The following PHIP variants were observed in gnomAD, a reference collection of about 807,000 sequenced individuals.
PHIP encodes the protein PHIP subunit of CUL4-Ring ligase complex.
In PHIP, 54 loss-of-function variants were observed where a neutral mutation model predicts 236.8. The ratio of observed to expected loss-of-function variants is 0.23; its 90% CI spans 0.18 to 0.29. The LOEUF is 0.29. PHIP is among the 10% of genes least tolerant of loss of function. The pLI, the probability that PHIP is intolerant of heterozygous loss-of-function variation, is 1.00. For synonymous variants in PHIP, 756 were observed against 718.9 expected, an observed-to-expected ratio of 1.05 and a Z score of -0.83; for missense variants, 1,370 against 2,190.8, an observed-to-expected ratio of 0.63 and a Z score of 7.48.
intron 4 of PHIP, among the ~76,000 whole-genome samples, chr6:79,063,439 C>T (rs866701739): frequency 1.7e-4 from 26 of 152,282 alleles, no homozygotes; most frequent in Middle Eastern, 3.4e-3. Context: ...TGTTTTGAGA[C>T]GGAGTCTCCC....
At chr6:79,066,551 G>C (rs1300188909) in intron 4 of PHIP, among the ~76,000 whole-genome samples, 1 of 152,104 alleles carries the variant, frequency 6.6e-6, no homozygotes, top group African/African-American at 2.4e-5. Context: ...ATATAAGCAA[G>C]TCATACAACA....
intron 24 of PHIP, among the ~76,000 whole-genome samples, chr6:78,974,276 A>G (rs1389929295): frequency 6.6e-6 from 1 of 152,102 alleles, no homozygotes; most frequent in Admixed American, 6.6e-5. Flanking sequence ...CTGAATGACT[A>G]CTGGGTACAT....
At chr6:79,035,540 A>G (rs1771889294) in intron 7 of PHIP, among the ~76,000 whole-genome samples, 1 of 152,178 alleles carries the variant, frequency 6.6e-6, no homozygotes, top group Non-Finnish European at 1.5e-5. Context: ...TTTTAACTAA[A>G]AATATCTTAG....
intron 6 of PHIP, among the ~76,000 whole-genome samples, chr6:79,048,736 G>A (rs1772631008): frequency 6.6e-6 from 1 of 152,172 alleles, no homozygotes; most frequent in Non-Finnish European, 1.5e-5. Flanking sequence ...CTACTCCAGT[G>A]TAGGAAAGCT....
At chr6:79,066,532 A>G (rs982596725) in intron 4 of PHIP, among the ~76,000 whole-genome samples, 3 of 152,196 alleles carry the variant, frequency 2.0e-5, no homozygotes, top group African/African-American at 4.8e-5. Context: ...GTATATATCA[A>G]TGTGCAAGAT....
intron 7 of PHIP, among the ~76,000 whole-genome samples, chr6:79,037,922 A>G (rs1382543277): frequency 6.6e-6 from 1 of 152,232 alleles, no homozygotes; most frequent in Non-Finnish European, 1.5e-5. Context: ...TAATAGGAAA[A>G]CAGACATCTG....
intron 6 of PHIP, among the ~76,000 whole-genome samples, chr6:79,056,867 A>C (rs187096488): frequency 1.1e-4 from 17 of 152,274 alleles, no homozygotes; most frequent in Admixed American, 9.8e-4. Context: ...AGATATAATT[A>C]GAGATATACA....
At position 79,051,100 on chromosome 6, in the gene PHIP, T is replaced by C. The variant is rs1409579020; in HGVS notation, c.440-8097A>G. 2.0e-5 allele frequency among the ~76,000 whole-genome samples: 3 copies of C among 152,162 alleles called. No homozygotes were observed. In the East Asian group the frequency reaches 5.8e-4, roughly 29 times the overall value. ...TATAGAGCCACAATGGAAAGACCTG[T>C]TATTAACACGGGTATCAAGGAAGTA... On this transcript the variant is annotated intron_variant, in intron 6 of 39. Coordinates refer to ENST00000275034, the MANE Select transcript of PHIP (RefSeq NM_017934.7).
intron 24 of PHIP, among the ~76,000 whole-genome samples, chr6:78,974,700 G>A (rs10943610): frequency 0.45 from 68,169 of 151,688 alleles, 15,952 homozygotes; most frequent in East Asian, 0.69. Context: ...TATCACCACC[G>A]ATCCCACAGA....
chr6:78,954,763 A>G, intron 35 of PHIP, 51 bp downstream of exon 35: 1 of 1,159,378 alleles, frequency 8.6e-7, no homozygotes, highest in South Asian at 1.5e-5. Context: ...TGTCATGTAA[A>G]AGGTATGTAG....
At chr6:78,973,823 TA>T (rs1353953712) in intron 24 of PHIP, among the ~76,000 whole-genome samples, 18 of 151,736 alleles carry the variant, frequency 1.2e-4, no homozygotes, top group Non-Finnish European at 2.4e-4. Flanking sequence ...CAAGAAGAGC[TA>T]ACTATCCTAA....
At chr6:79,025,457 C>G (rs968671848) in intron 9 of PHIP, 62 bp downstream of exon 9, 1 of 955,466 alleles carries the variant, frequency 1.0e-6, no homozygotes, top group Non-Finnish European at 1.7e-6. Flanking sequence ...CTACTTTATA[C>G]TTTTGCAATT....
At chr6:79,003,444 T>G (rs780389324) in intron 16 of PHIP, among the ~76,000 whole-genome samples, 5 of 152,076 alleles carry the variant, frequency 3.3e-5, no homozygotes, top group African/African-American at 4.8e-5. Context: ...ATCTCCAGTT[T>G]ATATACCCCA....
intron 35 of PHIP, among the ~76,000 whole-genome samples, chr6:78,949,892 T>C (rs889628049): frequency 2.6e-5 from 4 of 152,134 alleles, no homozygotes; most frequent in Non-Finnish European, 4.4e-5. Flanking sequence ...TTTTGCCATA[T>C]TGCTCAGACT....
chr6:79,071,569 T>C (rs998833519), intron 4 of PHIP, among the ~76,000 whole-genome samples: 1 of 152,132 alleles, frequency 6.6e-6, no homozygotes, highest in Non-Finnish European at 1.5e-5. Flanking sequence ...AACTTAAATA[T>C]CCTAAAATTA....
In PHIP at chr6:78,940,629, A is replaced by T. The variant is rs1245641691; in HGVS notation, c.*64T>A. 52 of 761,764 alleles carry T rather than the reference A, an allele frequency of 6.8e-5. No individual in the cohort carries two copies. The highest frequency in any genetic ancestry group is 9.4e-5 in the Non-Finnish European group (50 of 533,370). The allele number at this position is 761,764 out of a possible 1,614,324, so 47.2% of individuals were successfully genotyped here. A position where few individuals can be genotyped will look rare whatever the true frequency, so the allele number is the denominator to read the frequency against. ...ACAGCAGCAAGGAAGCAGAAGCCTT[A>T]GTTCTACTTATTCCTTAACTGTACC... On this transcript the variant is annotated 3_prime_UTR_variant, in exon 40 of 40. Transcript: ENST00000275034.
chr6:78,971,873 G>A lies in PHIP; in HGVS notation c.2890-985C>T, dbSNP rs530687481. On this transcript the variant is annotated intron_variant, in intron 24 of 39. Coordinates refer to ENST00000275034, the MANE Select transcript of PHIP (RefSeq NM_017934.7). The stretch of plus-strand genomic sequence containing the variant: ...TTATATCCCGCACCTGGCTCGGAGG[G>A]TCCTACCCCACGGAGTCTCGCTGAT... Among the ~76,000 whole-genome samples, 80 of 152,272 alleles carry A rather than the reference G, an allele frequency of 5.3e-4. 2 individuals are homozygous for A. The South Asian group carries it at 0.012, about 24-fold the overall frequency.
At chr6:79,019,439 C>T (rs907940438) in intron 9 of PHIP, among the ~76,000 whole-genome samples, 7 of 152,030 alleles carry the variant, frequency 4.6e-5, no homozygotes, top group African/African-American at 1.7e-4. Flanking sequence ...GTTACACTTA[C>T]TTCTAATCAA....
intron 29 of PHIP, among the ~76,000 whole-genome samples, chr6:78,964,147 CATA>C (rs2127699946): frequency 6.6e-6 from 1 of 152,154 alleles, no homozygotes; most frequent in South Asian, 2.1e-4. Flanking sequence ...AAAACAAAAA[CATA>C]AGCCATGTAA....
Sources: allele counts gnomAD v4.1 joint callset (sites outside exome capture counted in the v4.1 genomes callset), GRCh38; gene constraint gnomAD v4.1.1; transcripts MANE v1.5; gene names NCBI Gene and HGNC (gene_info 2026-07-23, HGNC 2026-07-21).